Variants in KIF3C observed in about 807,000 individuals in gnomAD.
KIF3C encodes the protein kinesin family member 3C, also known as kinesin-like protein KIF3C.
A neutral mutation model predicts 67.7 loss-of-function variants in KIF3C; 12 were observed. That is an observed-to-expected ratio of 0.18 (90% CI 0.11 to 0.29). KIF3C has a LOEUF of 0.29. Among genes scored for constraint, KIF3C ranks in the 10% least tolerant of loss-of-function variants. The probability of loss-of-function intolerance (pLI) is 1.00; values close to 1 mark genes in which losing one functional copy is unlikely to be tolerated. For synonymous variants in KIF3C, 393 were observed against 426.2 expected, an observed-to-expected ratio of 0.92 and a Z score of 0.96; for missense variants, 789 against 1,059.6, an observed-to-expected ratio of 0.74 and a Z score of 3.55.
chr2:25,949,736 G>A (rs1354169430), intron 5 of KIF3C, among the ~76,000 whole-genome samples: 1 of 152,034 alleles, frequency 6.6e-6, no homozygotes, highest in African/African-American at 2.4e-5. Context: ...TTGGGAGGCT[G>A]AGGCAGGTGG....
chr2:25,943,330 C>G (rs964329077), intron 5 of KIF3C, among the ~76,000 whole-genome samples: 1 of 152,146 alleles, frequency 6.6e-6, no homozygotes, highest in Admixed American at 6.6e-5. Flanking sequence ...AAGGACCTCC[C>G]TGCCCTCAAC....
intron 5 of KIF3C, among the ~76,000 whole-genome samples, chr2:25,942,701 C>T (rs1244359208): frequency 6.6e-5 from 10 of 152,152 alleles, no homozygotes; most frequent in South Asian, 2.1e-4. Flanking sequence ...TGAGCCACCG[C>T]GCCAGTGCAA....
chr2:25,979,737 G>A (rs1664515307), intron 1 of KIF3C, among the ~76,000 whole-genome samples: 1 of 152,144 alleles, frequency 6.6e-6, no homozygotes, highest in Non-Finnish European at 1.5e-5. Flanking sequence ...ACTTTGCCCA[G>A]CTAAGAACTG....
Position 25,958,498 on chromosome 2 carries a change from T to C in KIF3C, c.1546-2054A>G, listed in dbSNP as rs1663864606. Among the ~76,000 whole-genome samples, 1 of 151,696 alleles carries C rather than the reference T, an allele frequency of 6.6e-6. No homozygotes were observed. Among genetic ancestry groups the C allele is most frequent in the African/African-American group, 2.4e-5 (1 of 41,226 alleles). On this transcript the variant is annotated intron_variant, in intron 1 of 7. Coordinates refer to ENST00000264712, the MANE Select transcript of KIF3C (RefSeq NM_002254.8). This position sits in a 1 kb window ranked among gnomAD's most constrained non-coding sequence, Gnocchi z 4.5. ...CAGGAGGCTGAGGCAGGAGAATCGG[T>C]TGAACTAGGGAGGCAGAGGCTGCAG...
intron 1 of KIF3C, among the ~76,000 whole-genome samples, chr2:25,967,981 C>CA (rs1203379423): frequency 6.6e-6 from 1 of 152,178 alleles, no homozygotes; most frequent in African/African-American, 2.4e-5. Flanking sequence ...CCACTTGCCA[C>CA]AAAAAGCAAA....
At chr2:25,946,533 C>CA (rs1663440748) in intron 5 of KIF3C, among the ~76,000 whole-genome samples, 5 of 152,014 alleles carry the variant, frequency 3.3e-5, no homozygotes, top group Middle Eastern at 3.2e-3. Context: ...ACTAAAAATA[C>CA]AAAAATTAGC....
intron 1 of KIF3C, among the ~76,000 whole-genome samples, chr2:25,959,640 G>A (rs888059343): frequency 6.6e-6 from 1 of 151,994 alleles, no homozygotes; most frequent in Non-Finnish European, 1.5e-5. Context: ...GGGTTTTGCC[G>A]TGTTGGCCAG....
intron 5 of KIF3C, among the ~76,000 whole-genome samples, chr2:25,930,794 C>A (rs1005568172): frequency 6.6e-6 from 1 of 152,194 alleles, no homozygotes; most frequent in Non-Finnish European, 1.5e-5. Flanking sequence ...CCACCTCAAC[C>A]TCCCGATGTA....
At chr2:25,960,128 G>A (rs909381744) in intron 1 of KIF3C, among the ~76,000 whole-genome samples, 4 of 152,198 alleles carry the variant, frequency 2.6e-5, no homozygotes, top group African/African-American at 9.7e-5. Flanking sequence ...CCAGAGCCAG[G>A]TGTGGTGGCT....
At chr2:25,938,546 T>A (rs1663200098) in intron 5 of KIF3C, among the ~76,000 whole-genome samples, 1 of 151,864 alleles carries the variant, frequency 6.6e-6, no homozygotes, top group African/African-American at 2.4e-5. Flanking sequence ...CAGGGCTGGG[T>A]GAGCAGAGGA....
At position 25,955,084 on chromosome 2, in the gene KIF3C, C is replaced by T. The variant is rs553902706; in HGVS notation, c.1770+457G>A. ...ACATGTACATGTCTTTCCCTTGCCA[C>T]GGGCTTTGCAGGGTTCTGGTGAGCG... is the stretch of plus-strand genomic sequence containing the variant. On this transcript the variant is annotated intron_variant, in intron 3 of 7. Coordinates refer to ENST00000264712, the MANE Select transcript of KIF3C (RefSeq NM_002254.8). This position sits in a 1 kb window ranked among gnomAD's most constrained non-coding sequence, Gnocchi z 5.0. Among the ~76,000 whole-genome samples, 6 of 152,310 alleles carry T rather than the reference C, an allele frequency of 3.9e-5. No homozygotes were observed. Among genetic ancestry groups the T allele is most frequent in the Non-Finnish European group, 7.4e-5 (5 of 68,026 alleles).
chr2:25,955,800 C>T lies in KIF3C; in HGVS notation c.1648-137G>A. ...GCCCATGGCCCACATCCACTGCTCC[C>T]ACCCAATCCTGCAGAGCCCCTGGGA... On this transcript the variant is annotated intron_variant, in intron 2 of 7. Transcript: ENST00000264712. This position sits in a 1 kb window ranked among gnomAD's most constrained non-coding sequence, Gnocchi z 5.0. 1.0e-6 allele frequency: 1 copy of T among 986,226 alleles called. No homozygotes were observed. The allele number at this position is 986,226 out of a possible 1,614,324, so 61.1% of individuals were successfully genotyped here. A position where few individuals can be genotyped will look rare whatever the true frequency, so the allele number is the denominator to read the frequency against.
Position 25,980,843 on chromosome 2 carries a change from C to G in KIF3C, c.1075G>C (p.Ala359Pro). ...TTCTTGATGTTCTTGGCTCGGTTGG[C>G]AAAGCGCAAGGTGGAGAGGCTCTCA... ...YDESLSTLRF[A>P]NRAKNIKNKP... Residue 359 changes from alanine (A) to proline (P), a missense_variant, in exon 1 of 8, where the codon GCC becomes CCC. This residue lies in a region of KIF3C where 648 missense variants were observed against 807.8 expected (regional missense o/e 0.80). Coordinates refer to ENST00000264712, the MANE Select transcript of KIF3C (RefSeq NM_002254.8). The surrounding 1 kb of genome is among the most constrained non-coding windows in gnomAD (Gnocchi z 7.6). 1 of 1,614,174 alleles carries G rather than the reference C, an allele frequency of 6.2e-7. No individual in the cohort carries two copies. Among genetic ancestry groups the G allele is most frequent in the Non-Finnish European group, 8.5e-7 (1 of 1,180,024 alleles).
At chr2:25,930,858 G>A (rs989572510) in intron 5 of KIF3C, among the ~76,000 whole-genome samples, 50 of 151,882 alleles carry the variant, frequency 3.3e-4, no homozygotes, top group African/African-American at 1.2e-3. Flanking sequence ...GCTAATTTTT[G>A]TATTTTTAGT....
At chr2:25,940,301 T>C (rs1455328867) in intron 5 of KIF3C, among the ~76,000 whole-genome samples, 1 of 152,040 alleles carries the variant, frequency 6.6e-6, no homozygotes, top group Non-Finnish European at 1.5e-5. Context: ...AGGCGCATGG[T>C]GGCTCACGCC....
At chr2:25,978,069 T>C (rs1032211532) in intron 1 of KIF3C, among the ~76,000 whole-genome samples, 3 of 152,106 alleles carry the variant, frequency 2.0e-5, no homozygotes, top group African/African-American at 7.2e-5. Context: ...ATTAGGTGAA[T>C]GGAAGCCTGA....
intron 5 of KIF3C, among the ~76,000 whole-genome samples, chr2:25,948,033 G>A (rs1434171664): frequency 6.6e-6 from 1 of 152,058 alleles, no homozygotes; most frequent in Non-Finnish European, 1.5e-5. Context: ...TGAACACCTG[G>A]TGGAAGAAAG....
intron 5 of KIF3C, among the ~76,000 whole-genome samples, chr2:25,945,167 T>C (rs1361749828): frequency 6.6e-6 from 1 of 151,892 alleles, no homozygotes; most frequent in African/African-American, 2.4e-5. Flanking sequence ...ACTGTCCAAT[T>C]GGTATTCATT....
At chr2:25,954,876 G>A (rs1663766466) in intron 3 of KIF3C, among the ~76,000 whole-genome samples, 1 of 152,274 alleles carries the variant, frequency 6.6e-6, no homozygotes, top group African/African-American at 2.4e-5. Context: ...GGGGTGTGGA[G>A]GTAGCATGGC....
Sources: allele counts gnomAD v4.1 joint callset (sites outside exome capture counted in the v4.1 genomes callset), GRCh38; gene constraint gnomAD v4.1.1; regional missense constraint gnomAD v4.1.1; non-coding constraint Gnocchi (gnomAD v3.1); transcripts MANE v1.5; gene names NCBI Gene and HGNC (gene_info 2026-07-23, HGNC 2026-07-21).